Variants in ABCC4 observed in about 807,000 individuals in gnomAD.
ABCC4 encodes the protein ATP-binding cassette sub-family C member 4.
ABCC4 carries 102 observed loss-of-function variants against 168.5 expected under a neutral mutation model. The ratio of observed to expected loss-of-function variants is 0.61; its 90% confidence interval spans 0.52 to 0.71. The LOEUF (loss-of-function observed/expected upper bound fraction) is 0.71, where lower values mean the gene tolerates loss of function less well. ABCC4 is among the 30% of genes least tolerant of loss of function. The probability of loss-of-function intolerance (pLI) is 0.00; values close to 1 mark genes in which losing one functional copy is unlikely to be tolerated. For synonymous variants in ABCC4, 617 were observed against 590.7 expected (o/e 1.04, Z -0.65); for missense variants, 1,402 against 1,605.8 (o/e 0.87, Z 2.17).
intron 8 of ABCC4, among the ~76,000 whole-genome samples, chr13:95,198,659 G>T (rs577094142): frequency 3.3e-5 from 5 of 152,150 alleles, no homozygotes; most frequent in Non-Finnish European, 7.3e-5. Flanking sequence ...ACATGCACAC[G>T]TATGTTTACT....
chr13:95,204,201 C>T (rs1233993616), intron 8 of ABCC4, among the ~76,000 whole-genome samples: 1 of 152,140 alleles, frequency 6.6e-6, no homozygotes, highest in East Asian at 1.9e-4. Context: ...GTAAGCCCTA[C>T]ACCTAGGGTT....
intron 19 of ABCC4, among the ~76,000 whole-genome samples, chr13:95,146,723 G>A (rs1410888454): frequency 6.6e-6 from 1 of 152,180 alleles, no homozygotes; most frequent in Non-Finnish European, 1.5e-5. Context: ...TTGTTGCTTT[G>A]TTGCTACTGC....
chr13:95,151,043 T>C (rs1397654453), intron 19 of ABCC4, among the ~76,000 whole-genome samples: 1 of 152,270 alleles, frequency 6.6e-6, no homozygotes, highest in Non-Finnish European at 1.5e-5. Context: ...CAATGAATTA[T>C]GAAGAAGACA....
Position 95,021,693 on chromosome 13 carries a change from A to C in ABCC4, c.3871-11T>G, listed in dbSNP as rs770476746. 3.9e-5 allele frequency: 61 copies of C among 1,554,398 alleles called. No individual in the cohort carries two copies. The South Asian group carries it at 6.7e-4, about 17-fold the overall frequency. On this transcript the variant is annotated splice_polypyrimidine_tract_variant and intron_variant, in intron 30 of 30. Coordinates refer to ENST00000645237, the MANE Select transcript of ABCC4 (RefSeq NM_005845.5). ...TCTTTTGAAGTATACCTAGAAAAAA[A>C]AAAGGTAAGCATAAAAAGAATGTTT...
chr13:95,194,806 A>T lies in ABCC4; in HGVS notation c.1263+30T>A, dbSNP rs2038363861. 2.6e-6 allele frequency: 4 copies of T among 1,546,710 alleles called. No individual in the cohort carries two copies. In the East Asian group the frequency reaches 9.0e-5, roughly 35 times the overall value. ...ATCAATGTCACTCATTATCTTCAGC[A>T]GTCATGATCTTGCATTAAGGATATG... On this transcript the variant is annotated intron_variant, in intron 9 of 30. Coordinates refer to ENST00000645237, the MANE Select transcript of ABCC4 (RefSeq NM_005845.5).
rs2032447465 is a variant in ABCC4 at position 95,043,495 on chromosome 13, A to G, written c.3735+187T>C. 2.2e-5 allele frequency: 11 copies of G among 491,558 alleles called. No homozygotes were observed. The East Asian group carries it at 3.2e-4, about 14-fold the overall frequency. The allele number at this position is 491,558 out of a possible 1,614,324, so 30.4% of individuals were successfully genotyped here. On this transcript the variant is annotated intron_variant, in intron 29 of 30. Transcript: ENST00000645237. ...TTTGCATATGATTATATGCAAAGAG[A>G]TACATTGGATATATTGTTAGTAGCA...
chr13:95,222,669 T>G (rs1421198742), intron 4 of ABCC4, among the ~76,000 whole-genome samples: 2 of 152,150 alleles, frequency 1.3e-5, no homozygotes, highest in Non-Finnish European at 2.9e-5. Context: ...GTACTGAAAT[T>G]CTCACCAGAC....
At chr13:95,291,902 T>C (rs4773874) in intron 1 of ABCC4, among the ~76,000 whole-genome samples, 44,162 of 151,968 alleles carry the variant, frequency 0.29, 8,106 homozygotes, top group African/African-American at 0.53. Context: ...GCCAAGATCA[T>C]ACCACTGCAC....
intron 19 of ABCC4, among the ~76,000 whole-genome samples, chr13:95,145,707 A>T (rs1182408357): frequency 6.6e-6 from 1 of 152,138 alleles, no homozygotes; most frequent in African/African-American, 2.4e-5. Context: ...TTAGGTGCCC[A>T]TCAATGGTGG....
rs11568642 is a variant in ABCC4 at position 95,053,002 on chromosome 13, G to A, written c.3456+93C>T. The A allele has an allele frequency of 3.0e-5, 34 of 1,120,956 alleles. No individual in the cohort carries two copies. The Admixed American group carries it at 4.2e-4, about 14-fold the overall frequency. 69.4% of individuals were successfully genotyped at this position (1,120,956 alleles called of 1,614,324 possible). On this transcript the variant is annotated intron_variant, in intron 27 of 30. Transcript: ENST00000645237. ...GGTGGTGAACAAAGTTAGTTAAACC[G>A]CTAAGCTCCTCTTAATTTCCTGCAA... is the stretch of plus-strand genomic sequence containing the variant.
intron 27 of ABCC4, among the ~76,000 whole-genome samples, chr13:95,049,970 GC>G (rs1354288627): frequency 5.3e-5 from 8 of 152,078 alleles, no homozygotes; most frequent in African/African-American, 1.7e-4. Flanking sequence ...TTTTTTGTCT[GC>G]TTTAAAGGGG....
At chr13:95,032,587 G>C (rs141872000) in intron 30 of ABCC4, among the ~76,000 whole-genome samples, 196 of 152,330 alleles carry the variant, frequency 1.3e-3, no homozygotes, top group African/African-American at 4.5e-3. Context: ...AATAGGAGCT[G>C]AAGGCAACCT....
intron 11 of ABCC4, among the ~76,000 whole-genome samples, chr13:95,184,230 CCACTTTCCCCCAGAGACTTT>C (rs2037989944): frequency 6.6e-6 from 1 of 152,208 alleles, no homozygotes; most frequent in Admixed American, 6.5e-5. Context: ...GTCCTAACCC[CCACTTTCCCCCAGAGACTTT>C]CTGATGTGGG....
At chr13:95,275,722 C>G (rs2040955342) in intron 1 of ABCC4, among the ~76,000 whole-genome samples, 2 of 142,826 alleles carry the variant, frequency 1.4e-5, no homozygotes, top group South Asian at 4.5e-4. Flanking sequence ...TGCACTCCAG[C>G]CTGGGTGACA....
At chr13:95,207,553 T>C (rs1436033137) in intron 7 of ABCC4, among the ~76,000 whole-genome samples, 2 of 152,208 alleles carry the variant, frequency 1.3e-5, no homozygotes, top group Admixed American at 6.5e-5. Flanking sequence ...TTCAGAAACA[T>C]TTGGAATTTC....
intron 13 of ABCC4, among the ~76,000 whole-genome samples, chr13:95,177,456 G>A (rs1025939758): frequency 1.3e-5 from 2 of 152,130 alleles, no homozygotes; most frequent in Admixed American, 1.3e-4. Context: ...TTTGCCATCT[G>A]TTTCTCAACT....
intron 19 of ABCC4, among the ~76,000 whole-genome samples, chr13:95,149,512 G>A (rs2036606286): frequency 6.6e-6 from 1 of 151,954 alleles, no homozygotes; most frequent in African/African-American, 2.4e-5. Context: ...TAAATTTTAT[G>A]CGCCCAGGCC....
Position 95,244,641 on chromosome 13 carries a change from G to GAAAGAAAGAAAGAAAGAAAGA in ABCC4, c.306+2313_306+2333dup, listed in dbSNP as rs1566563593. 1.2e-4 allele frequency among the ~76,000 whole-genome samples: 10 copies of GAAAGAAAGAAAGAAAGAAAGA among 83,154 alleles called. 3 individuals are homozygous for GAAAGAAAGAAAGAAAGAAAGA. The highest frequency in any genetic ancestry group is 5.9e-4 in the African/African-American group (10 of 16,910). 54.6% of individuals were successfully genotyped at this position (83,154 alleles called of 152,430 possible). A position where few individuals can be genotyped will look rare whatever the true frequency, so the allele number is the denominator to read the frequency against. On this transcript the variant is annotated intron_variant, in intron 3 of 30. Transcript: ENST00000645237. ...AGAAAGAAAGAAAGAAAGAAAGAAA[G>GAAAGAAAGAAAGAAAGAAAGA]AAAGAAAGAAAGAAAGAAAGAAAGA...
intron 19 of ABCC4, among the ~76,000 whole-genome samples, chr13:95,122,844 C>T (rs2139429096): frequency 6.6e-6 from 1 of 152,304 alleles, no homozygotes; most frequent in African/African-American, 2.4e-5. Context: ...GGAAGCTAAC[C>T]CCGACTCTAC....
Sources: gnomAD v4.1 joint callset for allele counts (sites outside exome capture counted in the v4.1 genomes callset) on GRCh38, gnomAD v4.1.1 for gene constraint, MANE v1.5 for transcripts, NCBI Gene and HGNC (gene_info 2026-07-23, HGNC 2026-07-21) for gene names.